The following SGSM1 variants were observed in gnomAD, a reference collection of about 807,000 sequenced individuals.
SGSM1 encodes the protein RUN and TBC1 domain containing 2.
In SGSM1, 73 loss-of-function variants were observed where a neutral mutation model predicts 133.8. The observed-to-expected ratio is 0.55, with a 90% confidence interval of 0.45 to 0.66. SGSM1 has a LOEUF of 0.66. SGSM1 is among the 30% of genes least tolerant of loss of function. SGSM1 has a pLI of 0.00. For synonymous variants in SGSM1, 563 were observed against 573.0 expected (o/e 0.98, Z 0.25); for missense variants, 1,213 against 1,448.1 (o/e 0.84, Z 2.64).
Position 24,895,214 on chromosome 22 carries a change from T to C in SGSM1, c.1954-9T>C. 6.2e-7 allele frequency: 1 copy of C among 1,601,572 alleles called. No individual in the cohort carries two copies. On this transcript the variant is annotated splice_polypyrimidine_tract_variant and intron_variant, in intron 17 of 24. Coordinates refer to ENST00000400358, the MANE Select transcript of SGSM1 (RefSeq NM_001098497.3). Reference sequence around the variant, plus strand: ...CACCCTCCCTCCCTCCTGCTCTTTCTTTTCTCAGTCCTCCCAGAGCTGCAG... The same window carrying C: ...CACCCTCCCTCCCTCCTGCTCTTTCCTTTCTCAGTCCTCCCAGAGCTGCAG...
At chr22:24,879,409 T>C (rs1932198840) in intron 13 of SGSM1, 53 bp from the exon 14 acceptor site, 1 of 1,580,764 alleles carries the variant, frequency 6.3e-7, no homozygotes, top group Non-Finnish European at 8.7e-7. Flanking sequence ...CTCCAGAAAA[T>C]CTGGGCTGTG....
chr22:24,861,534 A>G (rs1931153011), intron 9 of SGSM1, among the ~76,000 whole-genome samples: 1 of 151,366 alleles, frequency 6.6e-6, no homozygotes, highest in Non-Finnish European at 1.5e-5. Context: ...TTATTTATTT[A>G]TATTTTATTT....
chr22:24,924,060 A>G, intron 24 of SGSM1, 126 bp from the exon 25 acceptor site: 1 of 797,290 alleles, frequency 1.3e-6, no homozygotes. Flanking sequence ...GGCCTTCTCC[A>G]GGGCCTCTGC....
At chr22:24,893,981 A>G (rs1421692506) in intron 17 of SGSM1, among the ~76,000 whole-genome samples, 1 of 152,236 alleles carries the variant, frequency 6.6e-6, no homozygotes, top group Non-Finnish European at 1.5e-5. Context: ...TTGAGTATCT[A>G]CTATGTGCAG....
chr22:24,905,132 C>T lies in SGSM1; in HGVS notation c.2763C>T (p.Gly921=). The T allele has an allele frequency of 6.2e-7, 1 of 1,613,998 alleles. No homozygotes were observed. The highest frequency in any genetic ancestry group is 8.5e-7 in the Non-Finnish European group (1 of 1,179,890). ...ACATCTGGCAGCACATTGAGATCGGCTATGTCCAGGGCATGTGTGATCTTC... is the reference window on the plus strand; with the variant it reads ...ACATCTGGCAGCACATTGAGATCGGTTATGTCCAGGGCATGTGTGATCTTC... ...CSYIWQHIEI[G]YVQGMCDLLA... is the part of the protein sequence containing the mutation. The change falls in exon 21 of 25, where the codon GGC becomes GGT. Residue 921 remains glycine, a synonymous_variant. Coordinates refer to ENST00000400358, the MANE Select transcript of SGSM1 (RefSeq NM_001098497.3).
At chr22:24,814,653 T>C (rs991001940) in intron 2 of SGSM1, among the ~76,000 whole-genome samples, 1 of 152,122 alleles carries the variant, frequency 6.6e-6, no homozygotes, top group African/African-American at 2.4e-5. Context: ...GCTCACCCTT[T>C]TGGGAGTAAG....
At chr22:24,819,087 A>G (rs977556819) in intron 2 of SGSM1, among the ~76,000 whole-genome samples, 1 of 151,112 alleles carries the variant, frequency 6.6e-6, no homozygotes, top group Admixed American at 6.6e-5. Context: ...CGGAGCTTGC[A>G]GTGAGCAGAG....
chr22:24,904,067 C>A (rs1335473243), intron 20 of SGSM1, among the ~76,000 whole-genome samples: 1 of 151,856 alleles, frequency 6.6e-6, no homozygotes, highest in Non-Finnish European at 1.5e-5. Context: ...TTGAGTAAGG[C>A]CTCCTAGGTT....
rs899361026 is a variant in SGSM1 at position 24,897,954 on chromosome 22, T to G, written c.2023-18T>G. 4.5e-6 allele frequency: 7 copies of G among 1,566,080 alleles called. No homozygotes were observed. The highest frequency in any genetic ancestry group is 6.1e-6 in the Non-Finnish European group (7 of 1,154,196). Reference sequence around the variant, plus strand: ...GTCGACATGCCGGTCCATCTGTTTTTGTGCACCTTGTCCTCAGGTGTTTGA... The same window carrying G: ...GTCGACATGCCGGTCCATCTGTTTTGGTGCACCTTGTCCTCAGGTGTTTGA... On this transcript the variant is annotated intron_variant, in intron 18 of 24. Transcript: ENST00000400358.
chr22:24,907,015 C>A (rs1302666233), intron 21 of SGSM1, among the ~76,000 whole-genome samples: 1 of 150,978 alleles, frequency 6.6e-6, no homozygotes, highest in Non-Finnish European at 1.5e-5. Flanking sequence ...AATCCCATCA[C>A]TTTGGGAGCC....
chr22:24,889,345 C>T (rs368043638), intron 16 of SGSM1, among the ~76,000 whole-genome samples: 1 of 151,898 alleles, frequency 6.6e-6, no homozygotes, highest in African/African-American at 2.4e-5. Flanking sequence ...TGGTCCCCAA[C>T]TTCCAACGGT....
chr22:24,904,631 G>C (rs544317908), intron 20 of SGSM1, among the ~76,000 whole-genome samples: 4 of 151,830 alleles, frequency 2.6e-5, no homozygotes, highest in South Asian at 4.2e-4. Flanking sequence ...GTAAGAGCTC[G>C]ATAAATATAA....
rs758170513 is a variant in SGSM1 at position 24,832,409 on chromosome 22, G to A, written c.64-12488G>A. Among the ~76,000 whole-genome samples, 14 of 152,334 alleles carry A rather than the reference G, an allele frequency of 9.2e-5. No homozygotes were observed. The East Asian group carries it at 9.6e-4, about 10-fold the overall frequency. ...AGCTTCTAGAGGTGCAGTTAAGAGT[G>A]TGGGTTTAGCTTCCATTTCTGCCCA... is the stretch of plus-strand genomic sequence containing the variant. On this transcript the variant is annotated intron_variant, in intron 2 of 24. Coordinates refer to ENST00000400358, the MANE Select transcript of SGSM1 (RefSeq NM_001098497.3).
intron 16 of SGSM1, among the ~76,000 whole-genome samples, chr22:24,890,558 TG>T (rs1932797656): frequency 1.3e-5 from 2 of 152,114 alleles, no homozygotes; most frequent in Admixed American, 6.6e-5. Context: ...ATTATTTTTT[TG>T]AGGTGGAGTC....
chr22:24,855,133 A>C, intron 6 of SGSM1, 70 bp downstream of exon 6: 1 of 1,562,518 alleles, frequency 6.4e-7, no homozygotes, highest in South Asian at 1.2e-5. Flanking sequence ...CTTCTCCAGG[A>C]CTCTCTCACC....
intron 20 of SGSM1, 100 bp downstream of exon 20, chr22:24,902,057 C>A: frequency 7.9e-7 from 1 of 1,262,392 alleles, no homozygotes; most frequent in Non-Finnish European, 1.1e-6. Context: ...GCTTCTGAAG[C>A]TGGCATCATA....
intron 21 of SGSM1, among the ~76,000 whole-genome samples, chr22:24,908,734 A>G (rs1184309198): frequency 6.6e-6 from 1 of 151,658 alleles, no homozygotes; most frequent in Non-Finnish European, 1.5e-5. Context: ...CCCAGGAGGC[A>G]GAGCTTGCAG....
chr22:24,806,521 C>G (rs993163472), intron 2 of SGSM1, 37 bp downstream of exon 2: 4 of 1,486,114 alleles, frequency 2.7e-6, no homozygotes, highest in Non-Finnish European at 3.6e-6. Context: ...CAGGACTCCC[C>G]CGGCAGCAGC....
chr22:24,827,808 C>G (rs1165577619), intron 2 of SGSM1, among the ~76,000 whole-genome samples: 1 of 152,104 alleles, frequency 6.6e-6, no homozygotes, highest in Non-Finnish European at 1.5e-5. Flanking sequence ...CAGTGAATAG[C>G]TGAGGATTCG....
Sources: gnomAD v4.1 joint callset for allele counts (sites outside exome capture counted in the v4.1 genomes callset) on GRCh38, gnomAD v4.1.1 for gene constraint, MANE v1.5 for transcripts, NCBI Gene and HGNC (gene_info 2026-07-23, HGNC 2026-07-21) for gene names.